Variants in FHIT observed in about 807,000 individuals in gnomAD.
The protein encoded by FHIT is bis(5'-adenosyl)-triphosphatase.
FHIT carries 19 observed loss-of-function variants against 17.9 expected under a neutral mutation model. That is an observed-to-expected ratio of 1.06 (90% CI 0.74 to 1.56). FHIT has a LOEUF of 1.56. Among genes scored for constraint, FHIT ranks in the 40% most tolerant of loss-of-function variants. The pLI, the probability that FHIT is intolerant of heterozygous loss-of-function variation, is 0.00. For synonymous variants in FHIT, 81 were observed against 69.7 expected (o/e 1.16, Z -0.81); for missense variants, 248 against 189.2 (o/e 1.31, Z -1.82).
At chr3:60,244,096 T>C (rs973623921) in intron 5 of FHIT, among the ~76,000 whole-genome samples, 6 of 152,124 alleles carry the variant, frequency 3.9e-5, no homozygotes, top group Non-Finnish European at 8.8e-5. Context: ...CCAGTATATA[T>C]ATTAAAAGTG....
intron 5 of FHIT, among the ~76,000 whole-genome samples, chr3:60,219,990 G>C (rs1370525669): frequency 6.6e-6 from 1 of 152,094 alleles, no homozygotes; most frequent in East Asian, 1.9e-4. Context: ...AAATCCTTTG[G>C]AGTGGCTCAT....
At chr3:59,915,933 T>TA (rs1463276852) in intron 8 of FHIT, among the ~76,000 whole-genome samples, 1 of 46,060 alleles carries the variant, frequency 2.2e-5, no homozygotes, top group East Asian at 9.9e-4. Context: ...CCCTGTCTCT[T>TA]AGGGAAAAAA....
intron 8 of FHIT, among the ~76,000 whole-genome samples, chr3:59,823,418 A>G (rs1700864716): frequency 6.6e-6 from 1 of 152,152 alleles, no homozygotes; most frequent in Non-Finnish European, 1.5e-5. Context: ...TCTACTCAAT[A>G]TCCCTGAAGA....
At chr3:59,902,842 A>C (rs1022320067) in intron 8 of FHIT, among the ~76,000 whole-genome samples, 1 of 152,208 alleles carries the variant, frequency 6.6e-6, no homozygotes, top group African/African-American at 2.4e-5. Context: ...TTCAGTTATA[A>C]GATAAGTAAG....
intron 5 of FHIT, among the ~76,000 whole-genome samples, chr3:60,530,215 A>G (rs1285677173): frequency 6.6e-6 from 1 of 152,170 alleles, no homozygotes; most frequent in African/African-American, 2.4e-5. Flanking sequence ...GTACATACAT[A>G]TCCTCACCAG....
chr3:61,106,323 A>G (rs2035986500), intron 2 of FHIT, among the ~76,000 whole-genome samples: 1 of 152,174 alleles, frequency 6.6e-6, no homozygotes, highest in South Asian at 2.1e-4. Context: ...AGAACACTTA[A>G]GATCTATTCT....
intron 5 of FHIT, among the ~76,000 whole-genome samples, chr3:60,147,020 A>G (rs2107318162): frequency 6.6e-6 from 1 of 152,298 alleles, no homozygotes; most frequent in African/African-American, 2.4e-5. Flanking sequence ...TTGACACGCA[A>G]TCCTTTATTT....
At chr3:60,644,088 C>T (rs1407475446) in intron 4 of FHIT, among the ~76,000 whole-genome samples, 1 of 152,162 alleles carries the variant, frequency 6.6e-6, no homozygotes, top group Non-Finnish European at 1.5e-5. Context: ...ACATATCTAA[C>T]TAGGAAACCG....
At chr3:61,200,467 C>A (rs2038978598) in intron 2 of FHIT, 150 bp downstream of exon 2, 1 of 152,658 alleles carries the variant, frequency 6.6e-6, no homozygotes, top group South Asian at 2.1e-4. Context: ...TATTGCTCAG[C>A]ACTTTTGCCT....
rs907016344 is a variant in FHIT, at chr3:60,243,080, T to A, written c.104-228928A>T. Among the ~76,000 whole-genome samples, 6 of 151,052 alleles carry A rather than the reference T, an allele frequency of 4.0e-5. No homozygotes were observed. In the East Asian group the frequency reaches 5.8e-4, roughly 15 times the overall value. On this transcript the variant is annotated intron_variant, in intron 5 of 9. Coordinates refer to ENST00000492590, the MANE Select transcript of FHIT (RefSeq NM_002012.4). ...TCCAAAACTAAAAAAAAAAAAAAAA[T>A]TAGATTTGGGCCACTCATATTTAAC...
chr3:60,554,923 T>C (rs538407624), intron 4 of FHIT, among the ~76,000 whole-genome samples: 7 of 152,210 alleles, frequency 4.6e-5, no homozygotes, highest in African/African-American at 7.2e-5. Flanking sequence ...GTGTCAATTA[T>C]AGCTATGTAT....
At chr3:59,993,759 T>C (rs1699389666) in intron 7 of FHIT, among the ~76,000 whole-genome samples, 1 of 151,864 alleles carries the variant, frequency 6.6e-6, no homozygotes, top group Non-Finnish European at 1.5e-5. Flanking sequence ...GGGGTCTCAG[T>C]TCCTGTTCAA....
At chr3:60,775,711 T>C (rs1174271169) in intron 4 of FHIT, among the ~76,000 whole-genome samples, 1 of 152,168 alleles carries the variant, frequency 6.6e-6, no homozygotes, top group Non-Finnish European at 1.5e-5. Flanking sequence ...AGTCTTCTCA[T>C]CCCCGTGGCC....
chr3:60,232,417 G>A (rs147839605), intron 5 of FHIT, among the ~76,000 whole-genome samples: 4 of 152,246 alleles, frequency 2.6e-5, no homozygotes, highest in Non-Finnish European at 5.9e-5. Flanking sequence ...ATATCATTGA[G>A]CAGGACTGAA....
intron 5 of FHIT, among the ~76,000 whole-genome samples, chr3:60,412,674 A>T (rs531157081): frequency 6.6e-5 from 10 of 152,132 alleles, no homozygotes; most frequent in Non-Finnish European, 1.5e-4. Context: ...TTTCTCACCT[A>T]GGAAGGGACT....
chr3:60,176,445 C>G (rs116753418), intron 5 of FHIT, among the ~76,000 whole-genome samples: 1 of 152,156 alleles, frequency 6.6e-6, no homozygotes, highest in South Asian at 2.1e-4. Context: ...TATAGAAATA[C>G]TCTCTAGCAT....
At chr3:60,429,389 G>C (rs1702793021) in intron 5 of FHIT, among the ~76,000 whole-genome samples, 1 of 152,034 alleles carries the variant, frequency 6.6e-6, no homozygotes, top group South Asian at 2.1e-4. Context: ...AGGAGCAAGA[G>C]CTAAATATGG....
At chr3:59,952,694 C>T (rs111975747) in intron 7 of FHIT, among the ~76,000 whole-genome samples, 2,526 of 152,300 alleles carry the variant, frequency 0.017, 57 homozygotes, top group African/African-American at 0.052. Flanking sequence ...CTTAAACTGA[C>T]CAACCTTCAA....
chr3:60,764,332 G>C (rs1012018126), intron 4 of FHIT, among the ~76,000 whole-genome samples: 1 of 152,148 alleles, frequency 6.6e-6, no homozygotes, highest in African/African-American at 2.4e-5. Context: ...CAAGGATACA[G>C]AAAACTCCCA....
Sources: gnomAD v4.1 joint callset for allele counts (sites outside exome capture counted in the v4.1 genomes callset) on GRCh38, gnomAD v4.1.1 for gene constraint, MANE v1.5 for transcripts, NCBI Gene and HGNC (gene_info 2026-07-23, HGNC 2026-07-21) for gene names.